TTC12: variants seen among roughly 807,000 people sequenced by gnomAD.
TTC12 encodes the protein tetratricopeptide repeat domain 12.
TTC12 carries 70 observed loss-of-function variants against 90.1 expected under a neutral mutation model. That is an observed-to-expected ratio of 0.78 (90% CI 0.64 to 0.95). TTC12 has a LOEUF of 0.95. Among genes scored for constraint, TTC12 ranks in the 40% least tolerant of loss-of-function variants. The probability of loss-of-function intolerance (pLI) is 0.00; values close to 1 mark genes in which losing one functional copy is unlikely to be tolerated. For missense variants in TTC12, 819 were observed against 846.1 expected, an observed-to-expected ratio of 0.97 and a Z score of 0.40; for synonymous variants, 296 against 311.5, an observed-to-expected ratio of 0.95 and a Z score of 0.53.
At chr11:113,358,576 T>G (rs797037424) in intron 16 of TTC12, among the ~76,000 whole-genome samples, 7 of 152,218 alleles carry the variant, frequency 4.6e-5, no homozygotes, top group African/African-American at 1.7e-4. Flanking sequence ...AGAGTTCAGG[T>G]CTGATGATTC....
intron 14 of TTC12, 51 bp from the exon 15 acceptor site, chr11:113,351,188 T>A: frequency 6.5e-7 from 1 of 1,529,790 alleles, no homozygotes; most frequent in South Asian, 1.1e-5. Flanking sequence ...TGTATTTATG[T>A]TATAGTTTAT....
At chr11:113,329,838 T>A in intron 6 of TTC12, 82 bp from the exon 7 acceptor site, 1 of 1,142,408 alleles carries the variant, frequency 8.8e-7, no homozygotes, top group Non-Finnish European at 1.3e-6. Flanking sequence ...GACATTCTAC[T>A]GTTCGAATGT....
intron 6 of TTC12, among the ~76,000 whole-genome samples, chr11:113,326,855 T>G (rs1947726063): frequency 6.6e-6 from 1 of 152,250 alleles, no homozygotes; most frequent in Non-Finnish European, 1.5e-5. Context: ...GCTTTATTTA[T>G]AGCAGATGTT....
intron 2 of TTC12, among the ~76,000 whole-genome samples, chr11:113,322,599 G>A (rs1462884578): frequency 1.3e-5 from 2 of 152,146 alleles, no homozygotes; most frequent in African/African-American, 4.8e-5. Flanking sequence ...TCTTGCCCAG[G>A]ATAACAAGGA....
intron 14 of TTC12, among the ~76,000 whole-genome samples, chr11:113,350,944 G>A (rs1949253991): frequency 6.6e-6 from 1 of 152,214 alleles, no homozygotes; most frequent in African/African-American, 2.4e-5. Context: ...CTCAGAGCAG[G>A]GGTTGGGGGT....
chr11:113,365,036 G>A lies in TTC12; in HGVS notation c.2018G>A (p.Gly673Glu). 6.2e-7 allele frequency: 1 copy of A among 1,614,080 alleles called. No individual in the cohort carries two copies. Among genetic ancestry groups the A allele is most frequent in the Non-Finnish European group, 8.5e-7 (1 of 1,180,004 alleles). ...CAGGTGAACGCAGGCATTGCTCTGGGGAAGCTGTGCACAGCTGAGCCCAGG... is the reference window on the plus strand; with the variant it reads ...CAGGTGAACGCAGGCATTGCTCTGGAGAAGCTGTGCACAGCTGAGCCCAGG... Reference protein sequence around the residue: ...AVQVNAGIALGKLCTAEPRFA... With the variant: ...AVQVNAGIALEKLCTAEPRFA... Residue 673 changes from glycine (G) to glutamate (E), a missense_variant, in exon 21 of 22, where the codon GGG (glycine) becomes GAG (glutamate). Transcript: ENST00000529221.
At chr11:113,352,023 C>T in intron 15 of TTC12, 47 bp from the exon 16 acceptor site, 11 of 1,602,036 alleles carry the variant, frequency 6.9e-6, no homozygotes, top group Non-Finnish European at 8.5e-6. Context: ...CATGCGGCAT[C>T]CTTTGCCTGC....
rs142159484 is a variant in TTC12, at chr11:113,352,145, C to G, written c.1384C>G (p.Pro462Ala). The G allele has an allele frequency of 6.2e-7, 1 of 1,614,250 alleles. No individual in the cohort carries two copies. The highest frequency in any genetic ancestry group is 8.5e-7 in the Non-Finnish European group (1 of 1,180,034). Reference sequence around the variant, plus strand: ...CATCATGGGAAACCTCAGTGCTGAGCCCACTACCCGAAGACACATGGCGGC... The same window carrying G: ...CATCATGGGAAACCTCAGTGCTGAGGCCACTACCCGAAGACACATGGCGGC... Reference protein sequence around the residue: ...IAIMGNLSAEPTTRRHMAACE... With the variant: ...IAIMGNLSAEATTRRHMAACE... The change falls in exon 16 of 22, where the codon CCC becomes GCC. Residue 462 changes from proline (P) to alanine (A), a missense_variant. Pro to Ala is a conservative substitution (Grantham distance 27). Transcript: ENST00000529221.
chr11:113,333,058 G>T (rs1555142985), intron 7 of TTC12, among the ~76,000 whole-genome samples: 1 of 151,942 alleles, frequency 6.6e-6, no homozygotes, highest in Non-Finnish European at 1.5e-5. Context: ...TCATTGTTCA[G>T]CCCACCATAC....
chr11:113,346,963 C>A (rs1387662689), intron 13 of TTC12, among the ~76,000 whole-genome samples: 3 of 152,104 alleles, frequency 2.0e-5, no homozygotes, highest in African/African-American at 7.2e-5. Context: ...AGAAAATCTG[C>A]CACCAAAAAA....
Position 113,362,422 on chromosome 11 carries a change from C to G in TTC12, c.1636C>G (p.Arg546Gly), listed in dbSNP as rs140822336. Residue 546 changes from arginine (R) to glycine (G), a missense_variant, in exon 19 of 22, where the codon CGG (arginine) becomes GGG (glycine). Transcript: ENST00000529221. ...TCAGAGAGCTGCTGGTGTTCTGAGC[C>G]GGACCCTTTCTTCCTCTCTGAAAAT... Reference protein sequence around the residue: ...ILTRAAGVLSRTLSSSLKIVE... With the variant: ...ILTRAAGVLSGTLSSSLKIVE... The G allele has an allele frequency of 1.2e-6, 2 of 1,613,716 alleles. No homozygotes were observed. Among genetic ancestry groups the G allele is most frequent in the African/African-American group, 2.7e-5 (2 of 74,926 alleles).
At chr11:113,331,369 C>T (rs1555142515) in intron 7 of TTC12, among the ~76,000 whole-genome samples, 1 of 152,154 alleles carries the variant, frequency 6.6e-6, no homozygotes, top group African/African-American at 2.4e-5. Flanking sequence ...GTAATAACAG[C>T]AAACAACATC....
rs372305301 is a variant in TTC12 at position 113,323,986 on chromosome 11, G to A, written c.223-8G>A. On this transcript the variant is annotated splice_region_variant and splice_polypyrimidine_tract_variant and intron_variant, in intron 3 of 21. Coordinates refer to ENST00000529221, the MANE Select transcript of TTC12 (RefSeq NM_017868.4). The stretch of plus-strand genomic sequence containing the variant: ...TTTCTTTGTTTTTATGGTAACCTAC[G>A]TCTACAGAGTGCAGAAGAAATAAAC... The A allele has an allele frequency of 3.7e-4, 589 of 1,610,276 alleles. 3 individuals are homozygous for A. The African/African-American group carries it at 6.6e-3, about 18-fold the overall frequency.
intron 6 of TTC12, among the ~76,000 whole-genome samples, chr11:113,327,771 C>G (rs1222425295): frequency 1.3e-5 from 2 of 152,156 alleles, no homozygotes; most frequent in Non-Finnish European, 1.5e-5. Flanking sequence ...TGCCAGCTTC[C>G]TCTTCACATC....
In TTC12 at chr11:113,341,835, A is replaced by G; in HGVS notation, c.897-2A>G. 6.2e-7 allele frequency: 1 copy of G among 1,611,164 alleles called. No individual in the cohort carries two copies. Among genetic ancestry groups the G allele is most frequent in the East Asian group, 2.2e-5 (1 of 44,846 alleles). ...AAGATAGCTCTCCTTTGTCCATTCT[A>G]GGTGTTTTTCCACAGCAGGAAATGA... On this transcript the variant is annotated splice_acceptor_variant, in intron 11 of 21. Coordinates refer to ENST00000529221, the MANE Select transcript of TTC12 (RefSeq NM_017868.4). LOFTEE classifies it high-confidence loss of function.
chr11:113,335,122 A>C, intron 8 of TTC12, 85 bp downstream of exon 8: 1 of 988,890 alleles, frequency 1.0e-6, no homozygotes, highest in South Asian at 1.4e-5. Flanking sequence ...TGATTCTCCA[A>C]GCTGATTAGG....
At chr11:113,368,310 A>G, downstream of TTC12, 2 of 1,540,888 alleles carry the variant, frequency 1.3e-6, no homozygotes, top group East Asian at 2.5e-5. Flanking sequence ...GTGTGGATCC[A>G]CCCCCGCCAC....
At chr11:113,339,864 C>T (rs543664909) in intron 10 of TTC12, among the ~76,000 whole-genome samples, 4 of 152,198 alleles carry the variant, frequency 2.6e-5, no homozygotes, top group East Asian at 3.9e-4. Flanking sequence ...ACATATCCTG[C>T]GCACACTCCA....
chr11:113,329,786 T>A (rs1591538701), intron 6 of TTC12, 134 bp from the exon 7 acceptor site: 3 of 781,200 alleles, frequency 3.8e-6, no homozygotes, highest in African/African-American at 3.4e-5. Context: ...ATCTGTTTCC[T>A]GGCAGGACCA....
Sources: gnomAD v4.1 joint callset for allele counts (sites outside exome capture counted in the v4.1 genomes callset) on GRCh38, gnomAD v4.1.1 for gene constraint, MANE v1.5 for transcripts, NCBI Gene and HGNC (gene_info 2026-07-23, HGNC 2026-07-21) for gene names.